The following ABLIM2 variants were observed in gnomAD, a reference collection of about 807,000 sequenced individuals.
ABLIM2 encodes actin-binding LIM protein 2.
In ABLIM2, 53 loss-of-function variants were observed where a neutral mutation model predicts 97.7. The ratio of observed to expected loss-of-function variants is 0.54; its 90% CI spans 0.44 to 0.68. The LOEUF (loss-of-function observed/expected upper bound fraction) is 0.68. Ranked by LOEUF, ABLIM2 falls within the 30% of genes least tolerant of loss-of-function variation. The probability of loss-of-function intolerance (pLI) is 0.00; values close to 1 mark genes in which losing one functional copy is unlikely to be tolerated. For synonymous variants in ABLIM2, 361 were observed against 345.8 expected, an observed-to-expected ratio of 1.04 and a Z score of -0.49; for missense variants, 835 against 867.2, an observed-to-expected ratio of 0.96 and a Z score of 0.47.
intron 8 of ABLIM2, among the ~76,000 whole-genome samples, chr4:8,047,967 T>C (rs7696699): frequency 0.27 from 41,157 of 152,208 alleles, 5,739 homozygotes; most frequent in South Asian, 0.42. Flanking sequence ...CACAGGAAAG[T>C]CTCCCAGGCT....
At chr4:8,034,895 T>C (rs1240205396) in intron 10 of ABLIM2, among the ~76,000 whole-genome samples, 1 of 87,552 alleles carries the variant, frequency 1.1e-5, no homozygotes, top group African/African-American at 4.8e-5. Context: ...GGGTGGTAGG[T>C]AGGTGGGTGC....
chr4:8,102,016 G>A (rs944421380), intron 2 of ABLIM2, among the ~76,000 whole-genome samples: 7 of 152,068 alleles, frequency 4.6e-5, no homozygotes, highest in African/African-American at 9.7e-5. Flanking sequence ...GCCTCCTCCC[G>A]ACTCCCACCC....
rs1308533617 is a variant in ABLIM2 at position 8,105,557 on chromosome 4, G to A, written c.154+937C>T. Reference sequence around the variant, plus strand: ...GGCTTGTGGCACATTTCCTAGTTTTGTTTGCCCAGAAAAAAGCAAACCGTC... The same window carrying A: ...GGCTTGTGGCACATTTCCTAGTTTTATTTGCCCAGAAAAAAGCAAACCGTC... On this transcript the variant is annotated intron_variant, in intron 2 of 20. Coordinates refer to ENST00000447017, the MANE Select transcript of ABLIM2 (RefSeq NM_001130083.2). Among the ~76,000 whole-genome samples, 3 of 152,130 alleles carry A rather than the reference G, an allele frequency of 2.0e-5. No individual in the cohort carries two copies. In the East Asian group the frequency reaches 5.8e-4, roughly 29 times the overall value.
chr4:8,077,565 A>C, intron 6 of ABLIM2, 63 bp downstream of exon 6: 1 of 1,437,664 alleles, frequency 7.0e-7, no homozygotes, highest in Non-Finnish European at 9.5e-7. Context: ...CTCCCAGTCA[A>C]CTCCCAGGGG....
At chr4:8,086,341 C>T (rs1263707471) in intron 4 of ABLIM2, among the ~76,000 whole-genome samples, 3 of 149,848 alleles carry the variant, frequency 2.0e-5, no homozygotes, top group Non-Finnish European at 3.0e-5. Context: ...TATTTCCATC[C>T]CCTCCCACTT....
chr4:7,983,559 A>AAG lies in ABLIM2; in HGVS notation c.1736-7_1736-6dup, dbSNP rs200961918. 6.6e-4 allele frequency: 1,067 copies of AAG among 1,612,842 alleles called. 9 individuals carry two copies. The African/African-American group carries it at 0.011, about 16-fold the overall frequency. On this transcript the variant is annotated splice_polypyrimidine_tract_variant and splice_region_variant and intron_variant, in intron 18 of 20. Transcript: ENST00000447017. ...CGGCCCCGCTTACCTTGTATTCTGT[A>AAG]AGAGAGAGAGAGCGGAGACCACGAA...
intron 6 of ABLIM2, among the ~76,000 whole-genome samples, chr4:8,073,224 G>A (rs1813566197): frequency 1.3e-5 from 2 of 151,450 alleles, no homozygotes; most frequent in African/African-American, 2.4e-5. Flanking sequence ...GGGTGGGGGT[G>A]GTGTGCGGGA....
chr4:7,984,849 C>G lies in ABLIM2; in HGVS notation c.1725G>C (p.Trp575Cys), dbSNP rs1742311002. ...CCCCGCTCTGTGTACCTCGCATGCC[C>G]CAGCTGGCATCCGGGTCTGCTCCAC... is the stretch of plus-strand genomic sequence containing the variant. Reference protein sequence around the residue: ...APCGADPDASWGMREYKIYPY... With the variant: ...APCGADPDASCGMREYKIYPY... The change falls in exon 18 of 21, where the codon TGG becomes TGC. Residue 575 changes from tryptophan (W) to cysteine (C), a missense_variant. Coordinates refer to ENST00000447017, the MANE Select transcript of ABLIM2 (RefSeq NM_001130083.2). 1 of 1,604,936 alleles carries G rather than the reference C, an allele frequency of 6.2e-7. No individual in the cohort carries two copies. Among genetic ancestry groups the G allele is most frequent in the Non-Finnish European group, 8.5e-7 (1 of 1,176,264 alleles).
intron 16 of ABLIM2, 100 bp downstream of exon 16, chr4:8,007,959 G>A: frequency 1.3e-6 from 2 of 1,516,810 alleles, no homozygotes; most frequent in Non-Finnish European, 8.8e-7. Context: ...TTTTTAACAG[G>A]CAAGGCTTAG....
chr4:7,973,804 C>T (rs867098070), intron 20 of ABLIM2, among the ~76,000 whole-genome samples: 26 of 152,330 alleles, frequency 1.7e-4, no homozygotes, highest in African/African-American at 5.1e-4. Context: ...ATCCACCTTG[C>T]GTTCTGAGAT....
In ABLIM2 at chr4:8,023,992, A is replaced by G. The variant is rs1233605294; in HGVS notation, c.1268-3689T>C. Among the ~76,000 whole-genome samples, 1 of 152,156 alleles carries G rather than the reference A, an allele frequency of 6.6e-6. No homozygotes were observed. The highest frequency in any genetic ancestry group is 6.5e-5 in the Admixed American group (1 of 15,284). On this transcript the variant is annotated intron_variant, in intron 12 of 20. Transcript: ENST00000447017. The surrounding 1 kb of genome is among the most constrained non-coding windows in gnomAD (Gnocchi z 5.7). ...GGATGATGCCCATGCTGCAATGCAC[A>G]GCCACATCCTGGGTCCTCAACCACA... is the stretch of plus-strand genomic sequence containing the variant.
chr4:8,056,825 G>A lies in ABLIM2; in HGVS notation c.764-2579C>T, dbSNP rs1397206003. ...CGGGCGCCTGTAGTCCCAGCTGCTC[G>A]GGAGGCTGAGGCAGGAGAATGGCGT... On this transcript the variant is annotated intron_variant, in intron 7 of 20. Coordinates refer to ENST00000447017, the MANE Select transcript of ABLIM2 (RefSeq NM_001130083.2). Among the ~76,000 whole-genome samples, 64 of 150,540 alleles carry A rather than the reference G, an allele frequency of 4.3e-4. 2 individuals carry two copies. The highest frequency in any genetic ancestry group is 8.0e-4 in the Non-Finnish European group (54 of 67,728).
In ABLIM2 at chr4:8,067,141, G is replaced by C. The variant is rs1412100002; in HGVS notation, c.676-6087C>G. ...AGAGAATGAGGAGCCAGGATCCAAA[G>C]AAGGCAGGCTGGATGCTACCTCCTG... On this transcript the variant is annotated intron_variant, in intron 6 of 20. Coordinates refer to ENST00000447017, the MANE Select transcript of ABLIM2 (RefSeq NM_001130083.2). The surrounding 1 kb of genome is among the most constrained non-coding windows in gnomAD (Gnocchi z 5.4). 2.0e-5 allele frequency: 3 copies of C among 152,238 alleles called. No individual in the cohort carries two copies. The East Asian group carries it at 5.8e-4, about 29-fold the overall frequency. The allele number at this position is 152,238 out of a possible 1,614,324, so 9.4% of individuals were successfully genotyped here. A position where few individuals can be genotyped will look rare whatever the true frequency, so the allele number is the denominator to read the frequency against.
intron 14 of ABLIM2, among the ~76,000 whole-genome samples, chr4:8,012,792 C>A (rs989315036): frequency 2.0e-5 from 3 of 152,202 alleles, no homozygotes; most frequent in East Asian, 1.9e-4. Context: ...ACGCATCCAT[C>A]TACCCACTCA....
chr4:8,110,730 G>A (rs963589698), intron 1 of ABLIM2, among the ~76,000 whole-genome samples: 2 of 152,180 alleles, frequency 1.3e-5, no homozygotes, highest in African/African-American at 2.4e-5. Flanking sequence ...CCCCAATCTC[G>A]CCTGCTGGGG....
At chr4:8,007,546 C>T in intron 16 of ABLIM2, 1 of 985,984 alleles carries the variant, frequency 1.0e-6, no homozygotes, top group Non-Finnish European at 1.2e-6. Flanking sequence ...GAAAATCACT[C>T]CTGATTCAGT....
intron 1 of ABLIM2, among the ~76,000 whole-genome samples, chr4:8,153,114 A>G (rs1713654853): frequency 2.0e-5 from 3 of 152,172 alleles, no homozygotes; most frequent in Admixed American, 2.0e-4. Context: ...GCCCGCTTAA[A>G]GGGCCAGCGA....
At position 8,091,588 on chromosome 4, in the gene ABLIM2, A is replaced by T. The variant is rs1361667290; in HGVS notation, c.339-3304T>A. Among the ~76,000 whole-genome samples the T allele has an allele frequency of 9.9e-5, 3 of 30,390 alleles. 1 individual carries two copies. In the Admixed American group the frequency reaches 2.0e-3, roughly 21 times the overall value. The allele number at this position is 30,390 out of a possible 152,430, so 19.9% of individuals were successfully genotyped here. ...ATTATATATAATTTTATATAAAATT[A>T]TATATATAATTATATATATTATGTA... is the stretch of plus-strand genomic sequence containing the variant. On this transcript the variant is annotated intron_variant, in intron 3 of 20. Coordinates refer to ENST00000447017, the MANE Select transcript of ABLIM2 (RefSeq NM_001130083.2).
intron 1 of ABLIM2, among the ~76,000 whole-genome samples, chr4:8,109,238 G>C (rs1839108278): frequency 6.6e-6 from 1 of 152,232 alleles, no homozygotes; most frequent in Admixed American, 6.5e-5. Context: ...GCAGATGCCA[G>C]GGCTGGGCAG....
Sources: gnomAD v4.1 joint callset for allele counts (sites outside exome capture counted in the v4.1 genomes callset) on GRCh38, gnomAD v4.1.1 for gene constraint, Gnocchi (gnomAD v3.1) non-coding constraint, MANE v1.5 for transcripts, NCBI Gene and HGNC (gene_info 2026-07-23, HGNC 2026-07-21) for gene names.